The following FBN2 variants were observed in gnomAD, a reference collection of about 807,000 sequenced individuals.
FBN2 encodes fibrillin-2.
Under a neutral mutation model 355.6 loss-of-function variants are expected in FBN2, and 105 were observed. That is an observed-to-expected ratio of 0.30 (90% CI 0.25 to 0.35). The LOEUF is 0.35. Among genes scored for constraint, FBN2 ranks in the 10% least tolerant of loss-of-function variants. The pLI is 1.00. For missense variants in FBN2, 3,280 were observed against 3,758.7 expected, an observed-to-expected ratio of 0.87 and a Z score of 3.33; for synonymous variants, 1,350 against 1,301.2, an observed-to-expected ratio of 1.04 and a Z score of -0.81.
chr5:128,446,769 A>G (rs1310172144), intron 6 of FBN2, among the ~76,000 whole-genome samples, 163 bp from the exon 7 acceptor site: 1 of 152,190 alleles, frequency 6.6e-6, no homozygotes, highest in Non-Finnish European at 1.5e-5. Context: ...ATATGTTTTA[A>G]TTTATGTAAA....
chr5:128,335,116 TG>T, intron 30 of FBN2, 53 bp downstream of exon 30: 1 of 1,610,152 alleles, frequency 6.2e-7, no homozygotes, highest in Non-Finnish European at 8.5e-7. Flanking sequence ...TGTGTGCATG[TG>T]GGTGTGTGTG....
intron 6 of FBN2, among the ~76,000 whole-genome samples, chr5:128,456,023 A>AAAAAAAAAAGC (rs1554070903): frequency 3.4e-5 from 5 of 145,780 alleles, no homozygotes; most frequent in Non-Finnish European, 7.6e-5. Context: ...AAAAAAAAAA[A>AAAAAAAAAAGC]GCAACTGCTG....
intron 32 of FBN2, among the ~76,000 whole-genome samples, chr5:128,331,279 T>C (rs535699150): frequency 2.0e-5 from 3 of 152,258 alleles, no homozygotes; most frequent in Non-Finnish European, 2.9e-5. Flanking sequence ...ATTGAGGAAG[T>C]AGTTTTTAGT....
intron 48 of FBN2, among the ~76,000 whole-genome samples, chr5:128,292,763 G>A (rs551896336): frequency 1.3e-5 from 2 of 152,154 alleles, no homozygotes; most frequent in South Asian, 4.2e-4. Flanking sequence ...TCTTTCTTTG[G>A]TTGATCAGTA....
At chr5:128,400,515 G>C (rs2126989182) in intron 8 of FBN2, among the ~76,000 whole-genome samples, 1 of 152,248 alleles carries the variant, frequency 6.6e-6, no homozygotes, top group East Asian at 1.9e-4. Flanking sequence ...ACAGTTGTTT[G>C]ATCTAATGGA....
At chr5:128,395,762 A>T (rs1752635044) in intron 8 of FBN2, among the ~76,000 whole-genome samples, 1 of 152,230 alleles carries the variant, frequency 6.6e-6, no homozygotes, top group African/African-American at 2.4e-5. Context: ...CATGTGTGTG[A>T]AGAAAGATGG....
In FBN2 at chr5:128,263,662, G is replaced by C. The variant is rs1337662010; in HGVS notation, c.7961-6C>G. 6.2e-7 allele frequency: 1 copy of C among 1,604,838 alleles called. No individual in the cohort carries two copies. The highest frequency in any genetic ancestry group is 2.2e-5 in the East Asian group (1 of 44,732). ...ATTGGAGCATTCATTCTCATCTAGT[G>C]AAACGAAGAAAGAAACTCTTACACG... is the stretch of plus-strand genomic sequence containing the variant. On this transcript the variant is annotated splice_region_variant and splice_polypyrimidine_tract_variant and intron_variant, in intron 62 of 64. Coordinates refer to ENST00000262464, the MANE Select transcript of FBN2 (RefSeq NM_001999.4).
chr5:128,420,105 G>A (rs1753308310), intron 7 of FBN2, among the ~76,000 whole-genome samples: 1 of 151,856 alleles, frequency 6.6e-6, no homozygotes, highest in Admixed American at 6.6e-5. Context: ...TTATATTGTT[G>A]GTATTTTTTA....
intron 8 of FBN2, among the ~76,000 whole-genome samples, chr5:128,396,781 C>A (rs1052367397): frequency 2.6e-5 from 4 of 152,180 alleles, no homozygotes; most frequent in African/African-American, 4.8e-5. Flanking sequence ...TATTATTCAA[C>A]CCTATCAAGA....
intron 7 of FBN2, among the ~76,000 whole-genome samples, chr5:128,436,674 A>G (rs1753775418): frequency 6.6e-6 from 1 of 151,296 alleles, no homozygotes; most frequent in African/African-American, 2.4e-5. Flanking sequence ...CTTAAAAAAA[A>G]AAAAAAAGAA....
chr5:128,456,023 A>AAAAAAAAGC lies in FBN2; in HGVS notation c.826+8700_826+8701insGCTTTTTTT, dbSNP rs1554070903. ...AAAAAAAAAAAAAAAAAAAAAAAAA[A>AAAAAAAAGC]GCAACTGCTGAACACACTAAGCTCT... On this transcript the variant is annotated intron_variant, in intron 6 of 64. Coordinates refer to ENST00000262464, the MANE Select transcript of FBN2 (RefSeq NM_001999.4). 4.8e-5 allele frequency among the ~76,000 whole-genome samples: 7 copies of AAAAAAAAGC among 145,890 alleles called. No homozygotes were observed. The South Asian group carries it at 1.1e-3, about 23-fold the overall frequency.
intron 44 of FBN2, 84 bp downstream of exon 44, chr5:128,305,427 C>T: frequency 6.6e-7 from 1 of 1,504,586 alleles, no homozygotes; most frequent in South Asian, 1.1e-5. Context: ...AAATCTTTCC[C>T]AAATTATTCT....
chr5:128,359,086 A>C (rs185036497), intron 19 of FBN2, among the ~76,000 whole-genome samples: 1 of 152,096 alleles, frequency 6.6e-6, no homozygotes, highest in South Asian at 2.1e-4. Flanking sequence ...GCTTGCTGTA[A>C]AAATTTTAAC....
At chr5:128,266,444 G>A (rs1765115087) in intron 62 of FBN2, among the ~76,000 whole-genome samples, 2 of 152,170 alleles carry the variant, frequency 1.3e-5, no homozygotes, top group Non-Finnish European at 2.9e-5. Flanking sequence ...ACTCCATTGC[G>A]AGCTCCTTTG....
Position 128,261,911 on chromosome 5 carries a change from T to A in FBN2, c.8193-4A>T. On this transcript the variant is annotated splice_polypyrimidine_tract_variant and splice_region_variant and intron_variant, in intron 63 of 64. Transcript: ENST00000262464. Reference sequence around the variant, plus strand: ...TCCCATTCCTGAGACACAGTGGCTATTTGCAAAAAGCAAAGTATTGTTAGA... The same window carrying A: ...TCCCATTCCTGAGACACAGTGGCTAATTGCAAAAAGCAAAGTATTGTTAGA... 2 of 1,613,760 alleles carry A rather than the reference T, an allele frequency of 1.2e-6. No individual in the cohort carries two copies. The highest frequency in any genetic ancestry group is 1.7e-6 in the Non-Finnish European group (2 of 1,179,652).
chr5:128,309,793 C>A (rs1185787286), intron 40 of FBN2, among the ~76,000 whole-genome samples, 190 bp downstream of exon 40: 1 of 152,096 alleles, frequency 6.6e-6, no homozygotes, highest in Non-Finnish European at 1.5e-5. Context: ...TAGACTCATG[C>A]TTTTAAAAAT....
intron 48 of FBN2, among the ~76,000 whole-genome samples, chr5:128,293,248 T>G (rs939288264): frequency 6.6e-6 from 1 of 152,110 alleles, no homozygotes; most frequent in Non-Finnish European, 1.5e-5. Flanking sequence ...TTTTCACACT[T>G]TGGGAGGCCG....
chr5:128,396,815 T>C (rs899619738), intron 8 of FBN2, among the ~76,000 whole-genome samples: 1 of 152,196 alleles, frequency 6.6e-6, no homozygotes, highest in South Asian at 2.1e-4. Context: ...GTTTTGTCTA[T>C]GATCACAAGA....
chr5:128,389,303 G>T (rs1022080426), intron 11 of FBN2, among the ~76,000 whole-genome samples: 1 of 152,212 alleles, frequency 6.6e-6, no homozygotes, highest in Non-Finnish European at 1.5e-5. Context: ...AAGTTGTGGG[G>T]AGAGGCTGCA....
Sources: allele counts gnomAD v4.1 joint callset (sites outside exome capture counted in the v4.1 genomes callset), GRCh38; gene constraint gnomAD v4.1.1; transcripts MANE v1.5; gene names NCBI Gene and HGNC (gene_info 2026-07-23, HGNC 2026-07-21).